The following TMEM163 variants were observed in gnomAD, a reference collection of about 807,000 sequenced individuals.
The protein encoded by TMEM163 is transmembrane protein 163.
A neutral mutation model predicts 29.3 loss-of-function variants in TMEM163; 17 were observed. That is an observed-to-expected ratio of 0.58 (90% CI 0.40 to 0.87). The LOEUF (loss-of-function observed/expected upper bound fraction) is 0.87, where lower values mean the gene tolerates loss of function less well. Ranked by LOEUF, TMEM163 falls within the 40% of genes least tolerant of loss-of-function variation. The pLI is 0.00. For missense variants in TMEM163, 303 were observed against 381.5 expected, an observed-to-expected ratio of 0.79 and a Z score of 1.71; for synonymous variants, 157 against 160.6, an observed-to-expected ratio of 0.98 and a Z score of 0.17.
intron 2 of TMEM163, among the ~76,000 whole-genome samples, chr2:134,691,766 C>G (rs992737272): frequency 6.6e-6 from 1 of 152,206 alleles, no homozygotes; most frequent in Non-Finnish European, 1.5e-5. Context: ...ACACCAACTC[C>G]AATGAACAGT....
chr2:134,570,422 G>T (rs1681393055), intron 2 of TMEM163, among the ~76,000 whole-genome samples: 1 of 151,628 alleles, frequency 6.6e-6, no homozygotes, highest in African/African-American at 2.4e-5. Context: ...ATCCACTGGG[G>T]GCCTTGGAAC....
chr2:134,716,780 C>G (rs1238994069), intron 1 of TMEM163, among the ~76,000 whole-genome samples: 1 of 152,204 alleles, frequency 6.6e-6, no homozygotes, highest in Non-Finnish European at 1.5e-5. Context: ...CAGTAAACCT[C>G]CCCAGGTAAC....
chr2:134,599,957 TAG>T (rs1682189032), intron 2 of TMEM163, among the ~76,000 whole-genome samples: 1 of 152,132 alleles, frequency 6.6e-6, no homozygotes, highest in African/African-American at 2.4e-5. Flanking sequence ...TACACACATC[TAG>T]AGTCATCAAG....
chr2:134,607,116 G>A (rs1366201934), intron 2 of TMEM163, among the ~76,000 whole-genome samples: 42 of 126,456 alleles, frequency 3.3e-4, no homozygotes, highest in Middle Eastern at 4.0e-3. Flanking sequence ...GACAGACCCC[G>A]AGAACTGTGC....
chr2:134,473,905 C>A (rs1686860310), intron 5 of TMEM163, among the ~76,000 whole-genome samples: 1 of 152,162 alleles, frequency 6.6e-6, no homozygotes, highest in East Asian at 1.9e-4. Flanking sequence ...GGCCCCAATG[C>A]TTTTACTGGC....
At chr2:134,671,355 C>A (rs1398644287) in intron 2 of TMEM163, among the ~76,000 whole-genome samples, 6 of 152,094 alleles carry the variant, frequency 3.9e-5, no homozygotes, top group African/African-American at 1.4e-4. Flanking sequence ...CTCCTGTAGT[C>A]CAGGATCACT....
At chr2:134,689,110 G>GTTTTT (rs5834423) in intron 2 of TMEM163, among the ~76,000 whole-genome samples, 11 of 130,908 alleles carry the variant, frequency 8.4e-5, no homozygotes, top group East Asian at 2.2e-4. Flanking sequence ...TTTTTGTTTT[G>GTTTTT]TTTTTTTTTT....
intron 4 of TMEM163, among the ~76,000 whole-genome samples, chr2:134,539,307 G>GA (rs200988971): frequency 0.022 from 3,290 of 152,234 alleles, 101 homozygotes; most frequent in African/African-American, 0.073. Context: ...GAGATGGGGA[G>GA]AAAAAAAGTC....
rs1309003086 is a variant in TMEM163 at position 134,456,832 on chromosome 2, G to A, written c.810-56C>T. The A allele has an allele frequency of 1.9e-6, 3 of 1,567,132 alleles. No individual in the cohort carries two copies. The East Asian group carries it at 6.9e-5, about 36-fold the overall frequency. On this transcript the variant is annotated intron_variant, in intron 7 of 7. Transcript: ENST00000281924. ...CCATGGCATGGGGCTGAAGAGCTTG[G>A]GGAAGCGTATTTTCATTTTTTTTTT...
intron 5 of TMEM163, among the ~76,000 whole-genome samples, chr2:134,496,343 T>C (rs1349911146): frequency 6.6e-6 from 1 of 152,194 alleles, no homozygotes; most frequent in Admixed American, 6.5e-5. Flanking sequence ...ATTACAGATA[T>C]GAGCCACCGC....
chr2:134,645,458 A>G (rs1683314944), intron 2 of TMEM163, among the ~76,000 whole-genome samples: 1 of 152,228 alleles, frequency 6.6e-6, no homozygotes, highest in South Asian at 2.1e-4. Context: ...TTACAGAAAA[A>G]GTTTGCCAAC....
In TMEM163 at chr2:134,559,684, C is replaced by G. The variant is rs1681124211; in HGVS notation, c.323-7593G>C. On this transcript the variant is annotated intron_variant, in intron 2 of 7. Transcript: ENST00000281924. Reference sequence around the variant, plus strand: ...ATGGGTGGCTACATACAAAAAGGGACTATACAACCCCGCCCCTAATCCCAC... The same window carrying G: ...ATGGGTGGCTACATACAAAAAGGGAGTATACAACCCCGCCCCTAATCCCAC... Among the ~76,000 whole-genome samples the G allele has an allele frequency of 2.6e-5, 4 of 152,122 alleles. No homozygotes were observed. In the South Asian group the frequency reaches 8.3e-4, roughly 32 times the overall value.
intron 5 of TMEM163, among the ~76,000 whole-genome samples, chr2:134,497,705 C>T (rs1370821996): frequency 6.6e-6 from 1 of 152,164 alleles, no homozygotes; most frequent in Admixed American, 6.5e-5. Flanking sequence ...CCATTTTTGT[C>T]GTGAAGAAAC....
At chr2:134,585,176 T>C (rs952252836) in intron 2 of TMEM163, among the ~76,000 whole-genome samples, 20 of 152,200 alleles carry the variant, frequency 1.3e-4, no homozygotes, top group African/African-American at 4.8e-4. Flanking sequence ...TCCTCTTTTT[T>C]CTTTTTTAGA....
At chr2:134,707,254 G>T (rs1684835359) in intron 2 of TMEM163, among the ~76,000 whole-genome samples, 1 of 152,198 alleles carries the variant, frequency 6.6e-6, no homozygotes, top group African/African-American at 2.4e-5. Context: ...GAGGCCCGGG[G>T]CTGTGAAAAG....
At chr2:134,667,608 G>T (rs1683896254) in intron 2 of TMEM163, among the ~76,000 whole-genome samples, 1 of 152,172 alleles carries the variant, frequency 6.6e-6, no homozygotes, top group Non-Finnish European at 1.5e-5. Context: ...ACTATCTGGG[G>T]TCTCTTATGA....
intron 2 of TMEM163, among the ~76,000 whole-genome samples, chr2:134,677,154 G>A (rs912696221): frequency 1.6e-4 from 24 of 152,120 alleles, no homozygotes; most frequent in Non-Finnish European, 2.2e-4. Context: ...GCTTCCTTCC[G>A]CAGACCTCGT....
At chr2:134,667,790 TTTAA>T (rs1398025525) in intron 2 of TMEM163, among the ~76,000 whole-genome samples, 4 of 152,248 alleles carry the variant, frequency 2.6e-5, no homozygotes, top group Non-Finnish European at 5.9e-5. Flanking sequence ...GTGCTGTTTG[TTTAA>T]TTAGTCACAC....
intron 2 of TMEM163, among the ~76,000 whole-genome samples, chr2:134,569,618 A>C (rs59908691): frequency 0.032 from 4,940 of 152,082 alleles, 356 homozygotes; most frequent in East Asian, 0.32. Context: ...ATTACCCACC[A>C]AGAAAATAAG....
Sources: gnomAD v4.1 joint callset for allele counts (sites outside exome capture counted in the v4.1 genomes callset) on GRCh38, gnomAD v4.1.1 for gene constraint, MANE v1.5 for transcripts, NCBI Gene and HGNC (gene_info 2026-07-23, HGNC 2026-07-21) for gene names.